Variants in RBFOX1 observed in about 807,000 individuals in gnomAD.
RBFOX1 encodes RNA binding protein fox-1 homolog 1.
A neutral mutation model predicts 57.7 loss-of-function variants in RBFOX1; 8 were observed. The observed-to-expected ratio is 0.14, with a 90% confidence interval of 0.08 to 0.25. The LOEUF (loss-of-function observed/expected upper bound fraction) is 0.25, where lower values mean the gene tolerates loss of function less well. Among genes scored for constraint, RBFOX1 ranks in the 10% least tolerant of loss-of-function variants. RBFOX1 has a pLI of 1.00. For missense variants in RBFOX1, 611 were observed against 548.5 expected (o/e 1.11, Z -1.14); for synonymous variants, 326 against 222.4 (o/e 1.47, Z -4.15).
At chr16:5,707,620 A>G (rs980423137) in intron 3 of RBFOX1, among the ~76,000 whole-genome samples, 3 of 152,234 alleles carry the variant, frequency 2.0e-5, no homozygotes, top group Non-Finnish European at 4.4e-5. Flanking sequence ...TTTCCAGGGA[A>G]GATACAGCTG....
intron 3 of RBFOX1, among the ~76,000 whole-genome samples, chr16:5,608,513 C>T (rs1465262220): frequency 6.6e-6 from 1 of 152,248 alleles, no homozygotes; most frequent in African/African-American, 2.4e-5. Context: ...CTTGACTTCT[C>T]TGTGCCTGTA....
chr16:6,619,342 G>C (rs2087121826), intron 2 of RBFOX1, among the ~76,000 whole-genome samples: 1 of 152,146 alleles, frequency 6.6e-6, no homozygotes, highest in African/African-American at 2.4e-5. Context: ...AAAACATTCA[G>C]TCCAGTATGA....
At chr16:6,632,335 AAG>A (rs934957114) in intron 2 of RBFOX1, among the ~76,000 whole-genome samples, 1 of 151,214 alleles carries the variant, frequency 6.6e-6, no homozygotes, top group African/African-American at 2.4e-5. Context: ...GCCAGGGAGA[AAG>A]AAAAAAAAAA....
At chr16:7,201,213 G>A (rs182710055) in intron 4 of RBFOX1, among the ~76,000 whole-genome samples, 8 of 152,286 alleles carry the variant, frequency 5.3e-5, no homozygotes, top group African/African-American at 1.9e-4. Flanking sequence ...GCACCTCTCA[G>A]GGAGAAACAT....
At chr16:7,086,786 C>G (rs1225879058) in intron 4 of RBFOX1, among the ~76,000 whole-genome samples, 2 of 150,334 alleles carry the variant, frequency 1.3e-5, no homozygotes, top group Admixed American at 6.6e-5. Context: ...TCATCTTCAT[C>G]CTTAGATTAG....
In RBFOX1 at chr16:5,268,396, A is replaced by C. The variant is rs112093776; in HGVS notation, c.219+28291A>C. 1.0e-2 allele frequency among the ~76,000 whole-genome samples: 1,518 copies of C among 152,350 alleles called. 24 individuals are homozygous for C. Among genetic ancestry groups the C allele is most frequent in the African/African-American group, 0.027 (1,132 of 41,574 alleles). On this transcript the variant is annotated intron_variant, in intron 1 of 2. Coordinates refer to the RBFOX1 transcript ENST00000585867. ...AATTTACTTAGAGTCAACAACAAGT[A>C]CAGGAAAGTCAGTTCTTAGTCAAGA...
intron 2 of RBFOX1, among the ~76,000 whole-genome samples, chr16:6,525,768 C>A (rs903393167): frequency 1.3e-5 from 2 of 151,944 alleles, no homozygotes; most frequent in African/African-American, 2.4e-5. Context: ...TTGTCTCCAG[C>A]AATTTTATAG....
chr16:7,415,190 T>C (rs2098466496), intron 4 of RBFOX1, among the ~76,000 whole-genome samples: 1 of 152,238 alleles, frequency 6.6e-6, no homozygotes, highest in Non-Finnish European at 1.5e-5. Flanking sequence ...CAATCCTGGC[T>C]GTGCCTTCAA....
At chr16:7,692,752 C>T (rs926551878) in intron 14 of RBFOX1, among the ~76,000 whole-genome samples, 2 of 152,080 alleles carry the variant, frequency 1.3e-5, no homozygotes, top group Admixed American at 6.6e-5. Flanking sequence ...AATACTGCAT[C>T]ATTAAAAATA....
chr16:7,195,342 C>G (rs2086435450), intron 4 of RBFOX1, among the ~76,000 whole-genome samples: 1 of 152,234 alleles, frequency 6.6e-6, no homozygotes, highest in South Asian at 2.1e-4. Context: ...CTTTTCTAGC[C>G]AGTTTCACCA....
intron 4 of RBFOX1, among the ~76,000 whole-genome samples, chr16:7,498,895 G>T (rs553501393): frequency 6.6e-6 from 1 of 152,178 alleles, no homozygotes; most frequent in African/African-American, 2.4e-5. Context: ...CTCCTCTGAA[G>T]TGTTAGTGTA....
At chr16:6,948,866 C>T (rs567294448) in intron 3 of RBFOX1, among the ~76,000 whole-genome samples, 6 of 152,058 alleles carry the variant, frequency 3.9e-5, no homozygotes, top group African/African-American at 9.7e-5. Flanking sequence ...GTCTATAAAC[C>T]GATTACAGTG....
chr16:5,916,526 C>G (rs2058707336), intron 4 of RBFOX1, among the ~76,000 whole-genome samples: 1 of 152,104 alleles, frequency 6.6e-6, no homozygotes, highest in South Asian at 2.1e-4. Context: ...TTGTAGGGGC[C>G]TATGTGCCCA....
chr16:5,372,797 T>C (rs538820656), intron 1 of RBFOX1, among the ~76,000 whole-genome samples: 1 of 152,384 alleles, frequency 6.6e-6, no homozygotes, highest in Admixed American at 6.5e-5. Context: ...ACATTGTTCA[T>C]GCTGGGTCGC....
chr16:7,333,694 G>A (rs1389796874), intron 4 of RBFOX1, among the ~76,000 whole-genome samples: 1 of 152,180 alleles, frequency 6.6e-6, no homozygotes, highest in African/African-American at 2.4e-5. Context: ...GGGTTGATAT[G>A]TGTGCTGGTT....
chr16:5,277,898 G>A (rs1370805678), intron 1 of RBFOX1, among the ~76,000 whole-genome samples: 7 of 151,982 alleles, frequency 4.6e-5, no homozygotes, highest in Non-Finnish European at 7.4e-5. Context: ...CCATTCATCC[G>A]TTGATTGACA....
At chr16:7,665,015 C>CA in intron 13 of RBFOX1, 47 bp downstream of exon 13, 1 of 1,613,790 alleles carries the variant, frequency 6.2e-7, no homozygotes, top group Non-Finnish European at 8.5e-7. Context: ...CTCCTGGAGT[C>CA]ATTCTTTTTA....
intron 3 of RBFOX1, among the ~76,000 whole-genome samples, chr16:6,839,248 G>C (rs146261356): frequency 2.6e-5 from 4 of 152,076 alleles, no homozygotes; most frequent in Non-Finnish European, 5.9e-5. Context: ...GCCCCCCAAA[G>C]TGCTGGGATT....
At position 5,491,601 on chromosome 16, in the gene RBFOX1, A is replaced by G. The variant is rs926063113; in HGVS notation, c.258+24347A>G. Reference sequence around the variant, plus strand: ...AGATTAACAACTGCTGTGCATGGTAATGCTGATGAATCCTCAGTGATTTTT... The same window carrying G: ...AGATTAACAACTGCTGTGCATGGTAGTGCTGATGAATCCTCAGTGATTTTT... On this transcript the variant is annotated intron_variant, in intron 2 of 2. Coordinates refer to the RBFOX1 transcript ENST00000585867. Among the ~76,000 whole-genome samples, 11 of 152,358 alleles carry G rather than the reference A, an allele frequency of 7.2e-5. No homozygotes were observed. The South Asian group carries it at 1.2e-3, about 17-fold the overall frequency.
Sources: gnomAD v4.1 joint callset for allele counts (sites outside exome capture counted in the v4.1 genomes callset) on GRCh38, gnomAD v4.1.1 for gene constraint, MANE v1.5 for transcripts, NCBI Gene and HGNC (gene_info 2026-07-23, HGNC 2026-07-21) for gene names.